RANBP17: variants seen among roughly 807,000 people sequenced by gnomAD.
The protein encoded by RANBP17 is RAN binding protein 17, also known as ran-binding protein 17.
RANBP17 carries 158 observed loss-of-function variants against 141.2 expected under a neutral mutation model. That is an observed-to-expected ratio of 1.12 (90% CI 0.98 to 1.28). The LOEUF (loss-of-function observed/expected upper bound fraction) is 1.28. Ranked by LOEUF, RANBP17 falls within the 50% of genes most tolerant of loss-of-function variation. RANBP17 has a pLI of 0.00. For synonymous variants in RANBP17, 430 were observed against 450.0 expected (o/e 0.96, Z 0.56); for missense variants, 1,438 against 1,290.7 (o/e 1.11, Z -1.75).
intron 25 of RANBP17, among the ~76,000 whole-genome samples, chr5:171,274,861 A>G (rs1477017079): frequency 1.3e-5 from 2 of 152,262 alleles, no homozygotes; most frequent in East Asian, 1.9e-4. Flanking sequence ...ATAATATACT[A>G]TAGAATAACC....
intron 14 of RANBP17, among the ~76,000 whole-genome samples, chr5:171,091,074 A>T (rs769094820): frequency 2.0e-5 from 3 of 152,136 alleles, no homozygotes; most frequent in African/African-American, 7.2e-5. Flanking sequence ...ATACCCTAGA[A>T]TGGTAGAACC....
At chr5:171,109,768 G>A (rs529823075) in intron 14 of RANBP17, among the ~76,000 whole-genome samples, 3 of 152,236 alleles carry the variant, frequency 2.0e-5, no homozygotes, top group South Asian at 4.1e-4. Context: ...TTCAATCTGC[G>A]ATTGGTTGAA....
intron 13 of RANBP17, among the ~76,000 whole-genome samples, chr5:170,963,251 G>A (rs1292814298): frequency 4.6e-5 from 7 of 152,246 alleles, no homozygotes; most frequent in South Asian, 2.1e-4. Context: ...GGAAATAAAT[G>A]GTTTTGAAGC....
At chr5:171,223,707 T>C (rs1763710305) in intron 22 of RANBP17, among the ~76,000 whole-genome samples, 1 of 152,218 alleles carries the variant, frequency 6.6e-6, no homozygotes, top group African/African-American at 2.4e-5. Flanking sequence ...ATGAACCCCT[T>C]TAAAAAATTT....
chr5:171,148,720 G>A (rs890557834), intron 14 of RANBP17, among the ~76,000 whole-genome samples: 3 of 152,016 alleles, frequency 2.0e-5, no homozygotes, highest in African/African-American at 2.4e-5. Flanking sequence ...GCCCTGTCAC[G>A]TACAGATATG....
chr5:170,997,835 A>T (rs1778921143), intron 14 of RANBP17, among the ~76,000 whole-genome samples: 1 of 152,322 alleles, frequency 6.6e-6, no homozygotes, highest in Middle Eastern at 3.4e-3. Flanking sequence ...AAAGCACCAT[A>T]AGGAAATGAA....
chr5:170,936,172 G>A (rs866864346), intron 12 of RANBP17, among the ~76,000 whole-genome samples: 51 of 152,224 alleles, frequency 3.4e-4, no homozygotes, highest in African/African-American at 1.1e-3. Flanking sequence ...AGAGTGTCCC[G>A]ATTTTCCAGG....
At chr5:171,209,475 A>AAG (rs1762754239) in intron 20 of RANBP17, among the ~76,000 whole-genome samples, 1 of 152,174 alleles carries the variant, frequency 6.6e-6, no homozygotes, top group Non-Finnish European at 1.5e-5. Flanking sequence ...CTGAAAATTC[A>AAG]CTGTTCAGCA....
chr5:170,894,130 C>A (rs1769898479), intron 4 of RANBP17, among the ~76,000 whole-genome samples: 1 of 152,134 alleles, frequency 6.6e-6, no homozygotes, highest in South Asian at 2.1e-4. Context: ...TATACTAGGG[C>A]AGAAGGATAG....
At chr5:170,989,170 G>A (rs141839468) in intron 14 of RANBP17, among the ~76,000 whole-genome samples, 502 of 151,894 alleles carry the variant, frequency 3.3e-3, no homozygotes, top group Non-Finnish European at 5.5e-3. Flanking sequence ...ATACTTGGAA[G>A]TATTTTCTAA....
At chr5:171,087,427 A>G (rs1458289012) in intron 14 of RANBP17, among the ~76,000 whole-genome samples, 6 of 152,216 alleles carry the variant, frequency 3.9e-5, no homozygotes, top group Non-Finnish European at 7.4e-5. Context: ...GTGCTGAAAA[A>G]AATGTATATT....
At chr5:171,126,743 T>C (rs953297566) in intron 14 of RANBP17, among the ~76,000 whole-genome samples, 2 of 152,094 alleles carry the variant, frequency 1.3e-5, no homozygotes, top group Non-Finnish European at 2.9e-5. Context: ...TAAATTTCTG[T>C]ACACATACAA....
At chr5:171,215,720 T>C (rs181038648) in intron 21 of RANBP17, among the ~76,000 whole-genome samples, 1 of 152,338 alleles carries the variant, frequency 6.6e-6, no homozygotes, top group East Asian at 1.9e-4. Flanking sequence ...GAAGTGTCTG[T>C]TTATATCCTG....
chr5:171,234,073 C>T (rs1764377985), intron 22 of RANBP17, among the ~76,000 whole-genome samples: 2 of 151,578 alleles, frequency 1.3e-5, no homozygotes, highest in African/African-American at 2.4e-5. Flanking sequence ...AAAAAATACA[C>T]ACACACATCT....
At chr5:171,135,134 G>A (rs1057357829) in intron 14 of RANBP17, among the ~76,000 whole-genome samples, 2 of 151,512 alleles carry the variant, frequency 1.3e-5, no homozygotes, top group Admixed American at 1.3e-4. Context: ...ATAATAATTA[G>A]CCAGGCATGG....
chr5:170,890,128 T>A (rs891811862), intron 3 of RANBP17, among the ~76,000 whole-genome samples: 1 of 152,140 alleles, frequency 6.6e-6, no homozygotes, highest in Non-Finnish European at 1.5e-5. Flanking sequence ...TTATTATTAT[T>A]TTGAGATTAC....
intron 24 of RANBP17, among the ~76,000 whole-genome samples, chr5:171,245,093 C>T (rs900919965): frequency 1.3e-5 from 2 of 151,910 alleles, no homozygotes; most frequent in East Asian, 3.9e-4. Flanking sequence ...CATGCCACTG[C>T]ACTCCAGCCT....
At chr5:171,086,285 G>A (rs1785646901) in intron 14 of RANBP17, among the ~76,000 whole-genome samples, 1 of 146,256 alleles carries the variant, frequency 6.8e-6, no homozygotes, top group Non-Finnish European at 1.5e-5. Context: ...TGCGTATATT[G>A]AACCAGCCTT....
intron 20 of RANBP17, among the ~76,000 whole-genome samples, chr5:171,210,489 A>G (rs1051138014): frequency 5.3e-5 from 8 of 152,084 alleles, no homozygotes; most frequent in Non-Finnish European, 1.2e-4. Flanking sequence ...GCAGAGGCCT[A>G]TGTGTGCCTC....
Sources: allele counts gnomAD v4.1 joint callset (sites outside exome capture counted in the v4.1 genomes callset), GRCh38; gene constraint gnomAD v4.1.1; transcripts MANE v1.5; gene names NCBI Gene and HGNC (gene_info 2026-07-23, HGNC 2026-07-21).